Variants in FARSB observed in about 807,000 individuals in gnomAD.
FARSB encodes phenylalanine--tRNA ligase beta subunit.
A neutral mutation model predicts 69.6 loss-of-function variants in FARSB; 40 were observed. The ratio of observed to expected loss-of-function variants is 0.57; its 90% CI spans 0.45 to 0.75. FARSB has a LOEUF of 0.75. FARSB is among the 30% of genes least tolerant of loss of function. The pLI is 0.00. For synonymous variants in FARSB, 235 were observed against 247.2 expected, an observed-to-expected ratio of 0.95 and a Z score of 0.46; for missense variants, 632 against 722.9, an observed-to-expected ratio of 0.87 and a Z score of 1.44.
chr2:222,621,644 C>T (rs1331099964), intron 13 of FARSB, among the ~76,000 whole-genome samples: 1 of 152,058 alleles, frequency 6.6e-6, no homozygotes. Flanking sequence ...GTACATAAGC[C>T]AACTTAAAAG....
intron 16 of FARSB, among the ~76,000 whole-genome samples, chr2:222,584,951 G>T (rs1268272303): frequency 6.6e-6 from 1 of 152,226 alleles, no homozygotes. Context: ...AGAAACTTCT[G>T]CAGACTTAAA....
chr2:222,589,812 G>A (rs996514458), intron 16 of FARSB, among the ~76,000 whole-genome samples: 1 of 152,178 alleles, frequency 6.6e-6, no homozygotes, highest in African/African-American at 2.4e-5. Context: ...AAACCACAAT[G>A]AGATACCATC....
chr2:222,623,600 G>A (rs1377772689), intron 13 of FARSB, 50 bp downstream of exon 13: 1 of 961,422 alleles, frequency 1.0e-6, no homozygotes, highest in Non-Finnish European at 1.7e-6. Flanking sequence ...AAATAATTCA[G>A]AGAGTCTAAG....
chr2:222,619,992 C>G (rs774457089), intron 13 of FARSB, among the ~76,000 whole-genome samples: 4 of 152,162 alleles, frequency 2.6e-5, no homozygotes, highest in African/African-American at 9.7e-5. Flanking sequence ...ATTAATACTT[C>G]TTTCACAATG....
At chr2:222,622,509 C>T (rs151060195) in intron 13 of FARSB, among the ~76,000 whole-genome samples, 6 of 152,196 alleles carry the variant, frequency 3.9e-5, no homozygotes, top group Middle Eastern at 3.4e-3. Context: ...TCCTGTGACA[C>T]TCATATGTTT....
intron 16 of FARSB, among the ~76,000 whole-genome samples, chr2:222,594,372 T>C (rs1363507164): frequency 6.6e-6 from 1 of 152,138 alleles, no homozygotes; most frequent in Non-Finnish European, 1.5e-5. Context: ...TTTATGTAAG[T>C]AAATAAATAA....
chr2:222,620,419 T>A (rs971939313), intron 13 of FARSB, among the ~76,000 whole-genome samples: 1 of 152,236 alleles, frequency 6.6e-6, no homozygotes, highest in Non-Finnish European at 1.5e-5. Context: ...TCTGTGCACA[T>A]GCCTGAAACT....
chr2:222,629,700 T>C (rs1304516236), intron 9 of FARSB, among the ~76,000 whole-genome samples: 1 of 152,246 alleles, frequency 6.6e-6, no homozygotes, highest in African/African-American at 2.4e-5. Context: ...AGATTATATG[T>C]TCTAGTTATA....
chr2:222,580,221 AATCAC>A (rs1165043219), intron 16 of FARSB, among the ~76,000 whole-genome samples: 1 of 152,110 alleles, frequency 6.6e-6, no homozygotes, highest in African/African-American at 2.4e-5. Flanking sequence ...AAGACATTTT[AATCAC>A]ATTCCACTAT....
intron 10 of FARSB, among the ~76,000 whole-genome samples, chr2:222,627,871 A>C (rs186309091): frequency 6.6e-6 from 1 of 152,346 alleles, no homozygotes; most frequent in East Asian, 1.9e-4. Flanking sequence ...GCAAGGGAAT[A>C]GTGAAAGATT....
chr2:222,635,285 T>C (rs531419623), intron 5 of FARSB, among the ~76,000 whole-genome samples: 219 of 152,324 alleles, frequency 1.4e-3, no homozygotes, highest in African/African-American at 5.1e-3. Context: ...TTTCTAACAG[T>C]CAATTTGAAA....
At chr2:222,604,764 G>C (rs1352052504) in intron 15 of FARSB, among the ~76,000 whole-genome samples, 2 of 139,578 alleles carry the variant, frequency 1.4e-5, no homozygotes, top group African/African-American at 2.7e-5. Flanking sequence ...GTAGAGACAG[G>C]GTTTTACCAT....
At chr2:222,643,711 G>A (rs1574952386) in intron 2 of FARSB, among the ~76,000 whole-genome samples, 1 of 152,126 alleles carries the variant, frequency 6.6e-6, no homozygotes, top group South Asian at 2.1e-4. Context: ...GGGATAATAG[G>A]TACAATGGGA....
At chr2:222,617,372 C>T (rs1162334946) in intron 14 of FARSB, among the ~76,000 whole-genome samples, 4 of 152,112 alleles carry the variant, frequency 2.6e-5, no homozygotes, top group African/African-American at 9.7e-5. Context: ...GGATGTAAAT[C>T]CTGAAGAACA....
intron 14 of FARSB, among the ~76,000 whole-genome samples, chr2:222,616,852 T>C (rs1429197006): frequency 1.3e-5 from 2 of 152,172 alleles, no homozygotes; most frequent in Non-Finnish European, 2.9e-5. Context: ...TAACCATAAA[T>C]ATAAACCTCT....
intron 5 of FARSB, 24 bp from the exon 6 acceptor site, chr2:222,634,565 G>A (rs200239472): frequency 1.9e-6 from 3 of 1,580,994 alleles, no homozygotes; most frequent in South Asian, 1.2e-5. Context: ...GGTTGAGGGA[G>A]AAGGAGGGAG....
chr2:222,596,437 G>T (rs1446841538), intron 16 of FARSB, among the ~76,000 whole-genome samples: 1 of 152,130 alleles, frequency 6.6e-6, no homozygotes, highest in Non-Finnish European at 1.5e-5. Context: ...GAAGAAATAG[G>T]TATAAGTGCC....
At chr2:222,614,271 T>G (rs1159572392) in intron 14 of FARSB, among the ~76,000 whole-genome samples, 1 of 152,256 alleles carries the variant, frequency 6.6e-6, no homozygotes, top group Non-Finnish European at 1.5e-5. Context: ...TTTCTTTTTT[T>G]AGAGACACAG....
At chr2:222,636,385 C>CA (rs34295305) in intron 5 of FARSB, among the ~76,000 whole-genome samples, 26,538 of 96,432 alleles carry the variant, frequency 0.28, 3,758 homozygotes, top group African/African-American at 0.42. Flanking sequence ...GACTCTATCT[C>CA]AAAAAAAAAA....
Sources: allele counts gnomAD v4.1 joint callset (sites outside exome capture counted in the v4.1 genomes callset), GRCh38; gene constraint gnomAD v4.1.1; transcripts MANE v1.5; gene names NCBI Gene and HGNC (gene_info 2026-07-23, HGNC 2026-07-21).